ARHGEF12: variants seen among roughly 807,000 people sequenced by gnomAD.
The protein encoded by ARHGEF12 is KMT2A/ARHGEF12 fusion protein.
A neutral mutation model predicts 211.2 loss-of-function variants in ARHGEF12; 66 were observed. The ratio of observed to expected loss-of-function variants is 0.31; its 90% confidence interval spans 0.26 to 0.38. ARHGEF12 has a LOEUF of 0.38. Among genes scored for constraint, ARHGEF12 ranks in the 10% least tolerant of loss-of-function variants. The pLI is 1.00. For synonymous variants in ARHGEF12, 592 were observed against 638.4 expected (o/e 0.93, Z 1.09); for missense variants, 1,429 against 1,869.5 (o/e 0.76, Z 4.34).
At chr11:120,453,119 T>C (rs762325857) in intron 22 of ARHGEF12, among the ~76,000 whole-genome samples, 10 of 152,016 alleles carry the variant, frequency 6.6e-5, no homozygotes, top group African/African-American at 2.4e-4. Flanking sequence ...GACAGAAATA[T>C]TAGTTTCTGT....
At position 120,480,157 on chromosome 11, in the gene ARHGEF12, A is replaced by C. The variant is rs746626082; in HGVS notation, c.3964A>C (p.Ile1322Leu). ...GCCCTTTAGAACTGGAACTGGTGAC[A>C]TTGCAACTTGTTACAGTCCACGGAC... is the stretch of plus-strand genomic sequence containing the variant. ...HMPFRTGTGD[I>L]ATCYSPRTST... The change falls in exon 38 of 41, where the codon ATT becomes CTT. Residue 1322 changes from isoleucine to leucine, a missense_variant. Ile to Leu is a conservative substitution (Grantham distance 5, BLOSUM62 2). This residue lies in a region of ARHGEF12 where 467 missense variants were observed against 468.4 expected (regional missense o/e 1.00). Transcript: ENST00000397843. The C allele has an allele frequency of 1.2e-6, 2 of 1,614,238 alleles. No homozygotes were observed. The highest frequency in any genetic ancestry group is 1.7e-6 in the Non-Finnish European group (2 of 1,180,034).
chr11:120,379,851 A>C (rs943531935), intron 1 of ARHGEF12, among the ~76,000 whole-genome samples: 1 of 151,896 alleles, frequency 6.6e-6, no homozygotes, highest in Non-Finnish European at 1.5e-5. Context: ...TTATTGATAG[A>C]TTTGGTTTAC....
intron 1 of ARHGEF12, chr11:120,405,825 G>C: frequency 3.8e-6 from 1 of 263,200 alleles, no homozygotes; most frequent in Non-Finnish European, 7.1e-6. Context: ...ATAGCATTTG[G>C]TAAGCCCTTT....
At chr11:120,393,257 A>T (rs1382096327) in intron 1 of ARHGEF12, among the ~76,000 whole-genome samples, 4 of 114,136 alleles carry the variant, frequency 3.5e-5, no homozygotes, top group South Asian at 3.0e-4. Context: ...AGTTGATTAA[A>T]ATAATTTAAA....
At chr11:120,421,442 G>GT (rs869300794) in intron 5 of ARHGEF12, among the ~76,000 whole-genome samples, 1 of 83,870 alleles carries the variant, frequency 1.2e-5, no homozygotes, top group African/African-American at 4.1e-5. Flanking sequence ...TTTTTTTTTT[G>GT]TTTTTTTTTT....
chr11:120,416,415 A>G (rs1436866789), intron 4 of ARHGEF12, among the ~76,000 whole-genome samples: 2 of 152,200 alleles, frequency 1.3e-5, no homozygotes. Flanking sequence ...GTGATACAGT[A>G]GGAGTACACA....
At chr11:120,472,616 TTTTCAG>T (rs1317894132) in intron 30 of ARHGEF12, among the ~76,000 whole-genome samples, 1 of 151,164 alleles carries the variant, frequency 6.6e-6, no homozygotes, top group Non-Finnish European at 1.5e-5. Flanking sequence ...AGAGAGTGAG[TTTTCAG>T]TCCTGTCTAG....
intron 1 of ARHGEF12, among the ~76,000 whole-genome samples, chr11:120,359,648 C>G (rs1258079318): frequency 1.3e-5 from 2 of 152,148 alleles, no homozygotes; most frequent in Admixed American, 1.3e-4. Context: ...TTAGCTAGTG[C>G]TATTATATTT....
chr11:120,413,813 T>C (rs1271356067), intron 4 of ARHGEF12, among the ~76,000 whole-genome samples: 2 of 152,178 alleles, frequency 1.3e-5, no homozygotes, highest in African/African-American at 4.8e-5. Flanking sequence ...CTAGAGAAGT[T>C]TGGTCATGAA....
chr11:120,348,763 C>A (rs1172567681), intron 1 of ARHGEF12, among the ~76,000 whole-genome samples: 2 of 152,038 alleles, frequency 1.3e-5, no homozygotes, highest in African/African-American at 4.8e-5. Flanking sequence ...ATCGCTTGAA[C>A]CAGGGAGGTG....
intron 22 of ARHGEF12, among the ~76,000 whole-genome samples, chr11:120,452,692 A>G (rs1200793217): frequency 6.6e-6 from 1 of 152,178 alleles, no homozygotes; most frequent in African/African-American, 2.4e-5. Flanking sequence ...TCAGTGGAGC[A>G]AGAGATTATA....
At chr11:120,383,945 A>T (rs1342600827) in intron 1 of ARHGEF12, among the ~76,000 whole-genome samples, 1 of 152,174 alleles carries the variant, frequency 6.6e-6, no homozygotes, top group Non-Finnish European at 1.5e-5. Context: ...AGTTGGCTTC[A>T]AGTTCTAAGC....
At chr11:120,429,671 C>G in intron 9 of ARHGEF12, 41 bp from the exon 10 acceptor site, 1 of 1,585,254 alleles carries the variant, frequency 6.3e-7, no homozygotes, top group Non-Finnish European at 8.6e-7. Flanking sequence ...ATCTTTTTTA[C>G]ATAAGTAATT....
intron 1 of ARHGEF12, among the ~76,000 whole-genome samples, chr11:120,378,850 G>C (rs1287986422): frequency 6.6e-6 from 1 of 152,144 alleles, no homozygotes; most frequent in East Asian, 1.9e-4. Context: ...CATATTGATT[G>C]ATTTATTACC....
chr11:120,381,089 A>C (rs1262781093), intron 1 of ARHGEF12, among the ~76,000 whole-genome samples: 1 of 152,178 alleles, frequency 6.6e-6, no homozygotes, highest in Non-Finnish European at 1.5e-5. Flanking sequence ...CCTTTTATTT[A>C]GGAACCAAAA....
intron 40 of ARHGEF12, 93 bp downstream of exon 40, chr11:120,484,600 T>G (rs1020276840): frequency 3.5e-6 from 4 of 1,134,636 alleles, no homozygotes; most frequent in Non-Finnish European, 5.1e-6. Context: ...CCTTCTGAGA[T>G]TCCATTTCTC....
At chr11:120,379,959 GTTGGCC>G (rs1326285427) in intron 1 of ARHGEF12, among the ~76,000 whole-genome samples, 1 of 152,174 alleles carries the variant, frequency 6.6e-6, no homozygotes, top group African/African-American at 2.4e-5. Flanking sequence ...CTGAGACAGT[GTTGGCC>G]TCAGAAAATT....
intron 1 of ARHGEF12, among the ~76,000 whole-genome samples, chr11:120,347,258 CTCTCTCTCTG>C (rs1299218656): frequency 3.4e-5 from 4 of 118,470 alleles, no homozygotes; most frequent in Admixed American, 9.9e-5. Context: ...CTCTCTCTCT[CTCTCTCTCTG>C]TCTGTGTGTG....
intron 4 of ARHGEF12, among the ~76,000 whole-genome samples, chr11:120,414,175 T>G (rs1944963190): frequency 6.6e-6 from 1 of 152,166 alleles, no homozygotes; most frequent in Non-Finnish European, 1.5e-5. Flanking sequence ...TATAACATCT[T>G]TACTTCACTG....
Sources: gnomAD v4.1 joint callset for allele counts (sites outside exome capture counted in the v4.1 genomes callset) on GRCh38, gnomAD v4.1.1 for gene constraint, gnomAD v4.1.1 regional missense constraint, MANE v1.5 for transcripts, NCBI Gene and HGNC (gene_info 2026-07-23, HGNC 2026-07-21) for gene names.